TNXB: variants seen among roughly 807,000 people sequenced by gnomAD.
TNXB encodes tenascin XB.
Under a neutral mutation model 340.5 loss-of-function variants are expected in TNXB, and 183 were observed. The observed-to-expected ratio is 0.54, with a 90% confidence interval of 0.48 to 0.61. TNXB has a LOEUF of 0.61. Among genes scored for constraint, TNXB ranks in the 20% least tolerant of loss-of-function variants. The probability of loss-of-function intolerance (pLI) is 0.00; values close to 1 mark genes in which losing one functional copy is unlikely to be tolerated. For missense variants in TNXB, 4,613 were observed against 5,446.4 expected, an observed-to-expected ratio of 0.85 and a Z score of 4.82; for synonymous variants, 2,121 against 2,314.5, an observed-to-expected ratio of 0.92 and a Z score of 2.40.
Position 32,068,829 on chromosome 6 carries a change from G to A in TNXB, c.5895C>T (p.Ala1965=). 1 of 1,605,026 alleles carries A rather than the reference G, an allele frequency of 6.2e-7. No individual in the cohort carries two copies. The highest frequency in any genetic ancestry group is 8.5e-7 in the Non-Finnish European group (1 of 1,173,914). The change falls in exon 16 of 44, where the codon GCC becomes GCT. Residue 1965 remains alanine, a synonymous_variant. Coordinates refer to ENST00000644971, the MANE Select transcript of TNXB (RefSeq NM_001365276.2). This position sits in a 1 kb window ranked among gnomAD's most constrained non-coding sequence, Gnocchi z 5.3. Reference sequence around the variant, plus strand: ...AGTGGGCAGAGTTCTCACCTGTCAGGGCCTCGACATGGACAGGACCTACAT... The same window carrying A: ...AGTGGGCAGAGTTCTCACCTGTCAGAGCCTCGACATGGACAGGACCTACAT... ...GKHVGPVHVE[A]LTVPEEEKPS...
Position 32,072,791 on chromosome 6 carries a change from A to C in TNXB, c.4682-493T>G, listed in dbSNP as rs1470963640. On this transcript the variant is annotated intron_variant, in intron 12 of 43. Coordinates refer to ENST00000644971, the MANE Select transcript of TNXB (RefSeq NM_001365276.2). This position sits in a 1 kb window ranked among gnomAD's most constrained non-coding sequence, Gnocchi z 4.4. ...ATGGCGAAACCCTGTTTCTACTAAAAATACAAAAAATTAGCTGGGTGTGGT... is the reference window on the plus strand; with the variant it reads ...ATGGCGAAACCCTGTTTCTACTAAACATACAAAAAATTAGCTGGGTGTGGT... Among the ~76,000 whole-genome samples the C allele has an allele frequency of 6.6e-6, 1 of 152,210 alleles. No homozygotes were observed. The highest frequency in any genetic ancestry group is 1.5e-5 in the Non-Finnish European group (1 of 68,034).
In TNXB at chr6:32,046,916, G is replaced by A. The variant is rs1157236808; in HGVS notation, c.10325-460C>T. Among the ~76,000 whole-genome samples the A allele has an allele frequency of 6.6e-6, 1 of 152,216 alleles. No homozygotes were observed. Among genetic ancestry groups the A allele is most frequent in the African/African-American group, 2.4e-5 (1 of 41,452 alleles). On this transcript the variant is annotated intron_variant, in intron 30 of 43. Coordinates refer to ENST00000644971, the MANE Select transcript of TNXB (RefSeq NM_001365276.2). This position sits in a 1 kb window ranked among gnomAD's most constrained non-coding sequence, Gnocchi z 6.9. ...AATGCACGGCTCCCATCACTGCCAG[G>A]CTGTGATCTCCCCCTTGTCCCCTTG...
At position 32,086,614 on chromosome 6, in the gene TNXB, C is replaced by T. The variant is rs1022655274; in HGVS notation, c.2780-496G>A. 2.0e-5 allele frequency among the ~76,000 whole-genome samples: 3 copies of T among 152,144 alleles called. No individual in the cohort carries two copies. In the East Asian group the frequency reaches 5.8e-4, roughly 29 times the overall value. On this transcript the variant is annotated intron_variant, in intron 6 of 43. Coordinates refer to ENST00000644971, the MANE Select transcript of TNXB (RefSeq NM_001365276.2). ...GCCCTATGGGGGAAGAAGAGGTCCA[C>T]CACCCTCCCCACAGCAGCCACAGGG...
Position 32,052,621 on chromosome 6 carries a change from T to C in TNXB, c.9115+49A>G. 6.3e-7 allele frequency: 1 copy of C among 1,591,170 alleles called. No homozygotes were observed. ...TTCACGAAGACTGGAGAGACAGCAG[T>C]GTCTTCCAGGGCCATCTTCCCCACC... On this transcript the variant is annotated intron_variant, in intron 26 of 43. Transcript: ENST00000644971. The surrounding 1 kb of genome is among the most constrained non-coding windows in gnomAD (Gnocchi z 4.7).
rs1378245502 is a variant in TNXB, at chr6:32,096,773, C to A, written c.1080G>T (p.Trp360Cys). The change falls in exon 3 of 44, where the codon TGG (tryptophan) becomes TGT (cysteine). Residue 360 changes from tryptophan to cysteine, a missense_variant. By Grantham distance (215) the Trp-to-Cys change is radical. This residue lies in a region of TNXB where 4,327 missense variants were observed against 4,859.4 expected (regional missense o/e 0.89). Transcript: ENST00000644971. ...TGCAGTCCTCGCCTGTGTACCCGGG[C>A]CAGCACACGCAGCGGCCGTCCACGC... ...GRCVDGRCVCWPGYTGEDCST... is the reference protein window; with the variant it reads ...GRCVDGRCVCCPGYTGEDCST... 1 of 1,561,892 alleles carries A rather than the reference C, an allele frequency of 6.4e-7. No homozygotes were observed. Among genetic ancestry groups the A allele is most frequent in the Non-Finnish European group, 8.7e-7 (1 of 1,155,506 alleles).
At chr6:32,065,616 ATTAT>A (rs1359382017) in intron 18 of TNXB, among the ~76,000 whole-genome samples, 2 of 151,984 alleles carry the variant, frequency 1.3e-5, no homozygotes. Context: ...GTGGAATTTT[ATTAT>A]TTATTTATTT....
In TNXB at chr6:32,081,982, G is replaced by A. The variant is rs1056047012; in HGVS notation, c.3736+54C>T. 3.3e-6 allele frequency: 5 copies of A among 1,526,146 alleles called. No homozygotes were observed. The highest frequency in any genetic ancestry group is 1.9e-5 in the Admixed American group (1 of 51,744). 94.5% of individuals were successfully genotyped at this position (1,526,146 alleles called of 1,614,324 possible). ...CCAGCTGGTTTTGGGCTGAAGGGAA[G>A]TGTGCATGGGGCTGAGAAGGGGTCA... On this transcript the variant is annotated intron_variant, in intron 9 of 43. Coordinates refer to ENST00000644971, the MANE Select transcript of TNXB (RefSeq NM_001365276.2). The surrounding 1 kb of genome is among the most constrained non-coding windows in gnomAD (Gnocchi z 5.1).
chr6:32,046,573 A>C lies in TNXB; in HGVS notation c.10325-117T>G. The C allele has an allele frequency of 1.1e-6, 1 of 910,700 alleles. No individual in the cohort carries two copies. Among genetic ancestry groups the C allele is most frequent in the Non-Finnish European group, 1.6e-6 (1 of 635,198 alleles). The allele number at this position is 910,700 out of a possible 1,614,324, so 56.4% of individuals were successfully genotyped here. On this transcript the variant is annotated intron_variant, in intron 30 of 43. Transcript: ENST00000644971. This position sits in a 1 kb window ranked among gnomAD's most constrained non-coding sequence, Gnocchi z 6.9. ...GTCCCTCCAGTGTAGCCCCAGGGAC[A>C]GCTCCTTGAGGAGACACACAGGCCT...
In TNXB at chr6:32,086,053, G is replaced by A; in HGVS notation, c.2845C>T (p.Gln949Ter). Residue 949 changes from glutamine (Q) to a stop codon, truncating the protein, a stop_gained, in exon 7 of 44, where the codon CAA (glutamine) becomes TAA (stop). Coordinates refer to ENST00000644971, the MANE Select transcript of TNXB (RefSeq NM_001365276.2). LOFTEE classifies it high-confidence loss of function. The part of the protein sequence containing the change: ...EPPPSGPSTT[Q>*]GAQAPLLQQR... ...TGCAGGAGAGGAGCCTGGGCCCCTT[G>A]CGTCGTCGAGGGGCCTGAGGGAGGA... 1 of 1,596,292 alleles carries A rather than the reference G, an allele frequency of 6.3e-7. No homozygotes were observed. Among genetic ancestry groups the A allele is most frequent in the Non-Finnish European group, 8.5e-7 (1 of 1,172,954 alleles).
chr6:32,041,912 G>T lies in TNXB; in HGVS notation c.12492C>A (p.Ser4164Arg). Residue 4164 changes from serine (S) to arginine (R), a missense_variant, in exon 43 of 44, where the codon AGC becomes AGA. This residue lies in a region of TNXB where 121 missense variants were observed against 177.4 expected (regional missense o/e 0.68). Coordinates refer to ENST00000644971, the MANE Select transcript of TNXB (RefSeq NM_001365276.2). The stretch of plus-strand genomic sequence containing the variant: ...GATCACGGGCAGAGAAGACACTGCC[G>T]CTGTGGTAGCTCATGGAGTCCCCTG... ...GTAGDSMSYHSGSVFSARDRD... is the reference protein window; with the variant it reads ...GTAGDSMSYHRGSVFSARDRD... 1 of 664,610 alleles carries T rather than the reference G, an allele frequency of 1.5e-6. No homozygotes were observed. The highest frequency in any genetic ancestry group is 2.6e-6 in the Non-Finnish European group (1 of 388,218). The allele number at this position is 664,610 out of a possible 1,614,324, so 41.2% of individuals were successfully genotyped here.
At chr6:32,092,690 C>CA (rs33977838) in intron 4 of TNXB, among the ~76,000 whole-genome samples, 352 of 136,084 alleles carry the variant, frequency 2.6e-3, no homozygotes, top group African/African-American at 7.2e-3. Context: ...AACTCTGTCT[C>CA]AAAAAAAAAA....
Position 32,095,020 on chromosome 6 carries a change from C to A in TNXB, c.2358+56G>T, listed in dbSNP as rs1197981525. 2.8e-6 allele frequency: 4 copies of A among 1,415,132 alleles called. No individual in the cohort carries two copies. In the East Asian group the frequency reaches 1.0e-4, roughly 35 times the overall value. The allele number at this position is 1,415,132 out of a possible 1,614,324, so 87.7% of individuals were successfully genotyped here. Reference sequence around the variant, plus strand: ...CTGGAACTTCCTCCAGGAGGTGAGCCCTGCCCCCCTGTCCTGCCCACTCAG... The same window carrying A: ...CTGGAACTTCCTCCAGGAGGTGAGCACTGCCCCCCTGTCCTGCCCACTCAG... On this transcript the variant is annotated intron_variant, in intron 4 of 43. Transcript: ENST00000644971.
In TNXB at chr6:32,087,621, G is replaced by T; in HGVS notation, c.2779+1164C>A. The T allele has an allele frequency of 2.5e-6, 1 of 392,676 alleles. No individual in the cohort carries two copies. Among genetic ancestry groups the T allele is most frequent in the South Asian group, 1.8e-5 (1 of 54,274 alleles). 24.3% of individuals were successfully genotyped at this position (392,676 alleles called of 1,614,324 possible). ...GATCAGGGCTGGCGGTGGGGCGGGG[G>T]TGGCGGGGCGGGGGTGCGGGGGAGC... On this transcript the variant is annotated intron_variant, in intron 6 of 43. Transcript: ENST00000644971. The surrounding 1 kb of genome is among the most constrained non-coding windows in gnomAD (Gnocchi z 9.0).
intron 28 of TNXB, among the ~76,000 whole-genome samples, chr6:32,048,913 C>T (rs1243533274): frequency 1.3e-5 from 2 of 152,242 alleles, no homozygotes; most frequent in African/African-American, 2.4e-5. Flanking sequence ...CCTGCAAAGT[C>T]GCACAATCAC....
Position 32,084,602 on chromosome 6 carries a change from C to A in TNXB, c.3256G>T (p.Glu1086Ter). 6.2e-7 allele frequency: 1 copy of A among 1,608,198 alleles called. No individual in the cohort carries two copies. The highest frequency in any genetic ancestry group is 8.5e-7 in the Non-Finnish European group (1 of 1,178,388). The change falls in exon 8 of 44, where the codon GAG (glutamate) becomes TAG (stop). Residue 1086 changes from glutamate to a stop codon, truncating the protein, a stop_gained. Transcript: ENST00000644971. LOFTEE classifies it high-confidence loss of function. The surrounding 1 kb of genome is among the most constrained non-coding windows in gnomAD (Gnocchi z 5.5). Reference sequence around the variant, plus strand: ...ATCACGAAGGAGTCAAACTCGCCCTCGGGGACCGTCCAGCGCAGGAGCAAG... The same window carrying A: ...ATCACGAAGGAGTCAAACTCGCCCTAGGGGACCGTCCAGCGCAGGAGCAAG... The part of the protein sequence containing the change: ...DSLLLRWTVP[E>*]GEFDSFVIQY...
intron 34 of TNXB, 35 bp from the exon 35 acceptor site, chr6:32,043,927 A>G (rs759816596): frequency 5.6e-6 from 9 of 1,612,804 alleles, no homozygotes; most frequent in Non-Finnish European, 6.8e-6. Context: ...TACCCAGGGA[A>G]CCCCAGGGCA....
chr6:32,062,523 C>A lies in TNXB; in HGVS notation c.6842-40G>T. On this transcript the variant is annotated intron_variant, in intron 19 of 43. Coordinates refer to ENST00000644971, the MANE Select transcript of TNXB (RefSeq NM_001365276.2). The surrounding 1 kb of genome is among the most constrained non-coding windows in gnomAD (Gnocchi z 4.3). ...AGAATGGGTGGGCATGCCTGGTGGG[C>A]CTCCTTTTAACCAAGGGACTCTGGG... 1 of 1,530,434 alleles carries A rather than the reference C, an allele frequency of 6.5e-7. No individual in the cohort carries two copies. Among genetic ancestry groups the A allele is most frequent in the Non-Finnish European group, 8.8e-7 (1 of 1,133,672 alleles). 94.8% of individuals were successfully genotyped at this position (1,530,434 alleles called of 1,614,324 possible). A position where few individuals can be genotyped will look rare whatever the true frequency, so the allele number is the denominator to read the frequency against.
intron 26 of TNXB, 57 bp from the exon 27 acceptor site, chr6:32,050,378 A>G (rs1582353637): frequency 1.3e-5 from 20 of 1,587,406 alleles, no homozygotes; most frequent in Admixed American, 1.7e-5. Flanking sequence ...CAGCATAGAA[A>G]GGATGTGTCA....
chr6:32,104,110 T>A (rs892828306), intron 1 of TNXB, among the ~76,000 whole-genome samples: 1 of 152,196 alleles, frequency 6.6e-6, no homozygotes, highest in Non-Finnish European at 1.5e-5. Context: ...ACACTTGAGA[T>A]GTGACCAGAA....
Sources: gnomAD v4.1 joint callset for allele counts (sites outside exome capture counted in the v4.1 genomes callset) on GRCh38, gnomAD v4.1.1 for gene constraint, gnomAD v4.1.1 regional missense constraint, Gnocchi (gnomAD v3.1) non-coding constraint, MANE v1.5 for transcripts, NCBI Gene and HGNC (gene_info 2026-07-23, HGNC 2026-07-21) for gene names.